Variants in KLF13 observed in about 807,000 individuals in gnomAD.
The protein encoded by KLF13 is Krueppel-like factor 13.
KLF13 carries 8 observed loss-of-function variants against 16.7 expected under a neutral mutation model. The observed-to-expected ratio is 0.48, with a 90% CI of 0.28 to 0.87. The LOEUF is 0.87. KLF13 is among the 40% of genes least tolerant of loss of function. The pLI, the probability that KLF13 is intolerant of heterozygous loss-of-function variation, is 0.10. For missense variants in KLF13, 447 were observed against 452.2 expected (o/e 0.99, Z 0.10); for synonymous variants, 245 against 208.4 (o/e 1.18, Z -1.51).
At chr15:31,428,610 T>G (rs1396383306) in intron 1 of KLF13, among the ~76,000 whole-genome samples, 1 of 151,732 alleles carries the variant, frequency 6.6e-6, no homozygotes, top group African/African-American at 2.4e-5. Flanking sequence ...ATCAAGACCA[T>G]CCTGGCTAAC....
At position 31,425,665 on chromosome 15, in the gene KLF13, T is replaced by A. The variant is rs183305857; in HGVS notation, n.118-9705T>A. Among the ~76,000 whole-genome samples the A allele has an allele frequency of 3.4e-3, 521 of 152,134 alleles. 3 individuals carry two copies. Among genetic ancestry groups the A allele is most frequent in the African/African-American group, 0.012 (483 of 41,468 alleles). On this transcript the variant is annotated intron_variant and non_coding_transcript_variant, in intron 1 of 1. Transcript: ENST00000558225. ...GCTGAGGCGGGCAGATCACCTGAGG[T>A]CAGAAGTTTGAGAGCAGCCTGGCCA...
At chr15:31,382,544 C>T (rs1166682674), downstream of KLF13, among the ~76,000 whole-genome samples, 1 of 152,176 alleles carries the variant, frequency 6.6e-6, no homozygotes. Flanking sequence ...AGTGACAGGC[C>T]CCATGACACA....
chr15:31,350,999 TC>T lies in KLF13; in HGVS notation c.578-21007del, dbSNP rs376808795. Reference sequence around the variant, plus strand: ...TGTGGATGGACATCCGAGTAAGAGTTCCCCAGTGTCTCCAGGAACCACTTGC... The same window carrying T: ...TGTGGATGGACATCCGAGTAAGAGTTCCCAGTGTCTCCAGGAACCACTTGC... On this transcript the variant is annotated intron_variant, in intron 1 of 1. Coordinates refer to ENST00000307145, the MANE Select transcript of KLF13 (RefSeq NM_015995.4). Among the ~76,000 whole-genome samples, 222 of 152,272 alleles carry T rather than the reference TC, an allele frequency of 1.5e-3. 3 individuals carry two copies. Among genetic ancestry groups the T allele is most frequent in the African/African-American group, 5.2e-3 (216 of 41,550 alleles).
intron 1 of KLF13, among the ~76,000 whole-genome samples, chr15:31,337,674 T>C (rs2038953963): frequency 2.0e-5 from 3 of 152,200 alleles, no homozygotes; most frequent in Admixed American, 1.3e-4. Flanking sequence ...CTGAATACTG[T>C]AGGCAACTGT....
chr15:31,398,471 C>T (rs933300071), intron 2 of KLF13, among the ~76,000 whole-genome samples: 5 of 152,186 alleles, frequency 3.3e-5, no homozygotes, highest in African/African-American at 9.7e-5. Flanking sequence ...GGGCCAACCC[C>T]GCAGCCTACA....
chr15:31,393,827 T>C (rs1057149067), intron 2 of KLF13: 4 of 152,262 alleles, frequency 2.6e-5, no homozygotes, highest in Non-Finnish European at 5.9e-5. Flanking sequence ...AACAGAGGCC[T>C]CTATGGAGAG....
At chr15:31,430,073 T>C (rs1187522510) in intron 1 of KLF13, among the ~76,000 whole-genome samples, 1 of 152,096 alleles carries the variant, frequency 6.6e-6, no homozygotes, top group African/African-American at 2.4e-5. Flanking sequence ...CTCTGTTGCC[T>C]TGGTTGGAAG....
chr15:31,421,366 A>G (rs527859696), intron 1 of KLF13, among the ~76,000 whole-genome samples: 73 of 152,366 alleles, frequency 4.8e-4, no homozygotes, highest in African/African-American at 1.7e-3. Flanking sequence ...AAAAGTACAG[A>G]ATTGTATAAT....
chr15:31,327,698 C>G lies in KLF13; in HGVS notation c.486C>G (p.Ser162=). ...RRGRSRADLE[S]PQRKHKCHYA... ...GCCGAAGTCGCGCCGACCTCGAGTCCCCGCAGAGGAAGCACAAGTGCCACT... is the reference window on the plus strand; with the variant it reads ...GCCGAAGTCGCGCCGACCTCGAGTCGCCGCAGAGGAAGCACAAGTGCCACT... The change falls in exon 1 of 2, where the codon TCC becomes TCG. Residue 162 remains serine, a synonymous_variant. Coordinates refer to ENST00000307145, the MANE Select transcript of KLF13 (RefSeq NM_015995.4). 1 of 1,536,582 alleles carries G rather than the reference C, an allele frequency of 6.5e-7. No individual in the cohort carries two copies. Among genetic ancestry groups the G allele is most frequent in the South Asian group, 1.2e-5 (1 of 85,702 alleles).
chr15:31,362,309 G>A (rs912983318), intron 1 of KLF13, among the ~76,000 whole-genome samples: 17 of 152,192 alleles, frequency 1.1e-4, no homozygotes, highest in Non-Finnish European at 2.9e-5. Context: ...AGTTTGCAGC[G>A]TGACCCAGGG....
chr15:31,399,840 G>C, intron 2 of KLF13, among the ~76,000 whole-genome samples: 1 of 152,244 alleles, frequency 6.6e-6, no homozygotes, highest in South Asian at 2.1e-4. Context: ...ACAGGGAGGG[G>C]CTGAGAGCCT....
intron 1 of KLF13, among the ~76,000 whole-genome samples, chr15:31,370,046 T>TTC (rs1036826480): frequency 1.5e-5 from 2 of 135,346 alleles, no homozygotes; most frequent in African/African-American, 6.0e-5. Context: ...TCCTTTTTCT[T>TTC]TTTTTTTTTT....
chr15:31,415,881 C>T (rs2040248656), intron 1 of KLF13, among the ~76,000 whole-genome samples: 1 of 151,256 alleles, frequency 6.6e-6, no homozygotes, highest in Non-Finnish European at 1.5e-5. Context: ...TAAACATCTA[C>T]AAAATTGATA....
At chr15:31,356,035 TCTGA>T (rs2039295630) in intron 1 of KLF13, among the ~76,000 whole-genome samples, 2 of 152,056 alleles carry the variant, frequency 1.3e-5, no homozygotes, top group Non-Finnish European at 2.9e-5. Flanking sequence ...TTCCTTTCCT[TCTGA>T]CTTTTATTTT....
chr15:31,382,432 C>T (rs2039737654), downstream of KLF13, among the ~76,000 whole-genome samples: 2 of 152,214 alleles, frequency 1.3e-5, no homozygotes, highest in Non-Finnish European at 2.9e-5. Context: ...TCTGATTGGA[C>T]CACTGGCCAC....
chr15:31,348,379 C>T (rs1348946414), intron 1 of KLF13, among the ~76,000 whole-genome samples: 3 of 152,198 alleles, frequency 2.0e-5, no homozygotes, highest in African/African-American at 7.2e-5. Flanking sequence ...TAGGCACACA[C>T]GCACGCCGCA....
chr15:31,332,505 C>A (rs932620880), intron 1 of KLF13, among the ~76,000 whole-genome samples: 1 of 151,366 alleles, frequency 6.6e-6, no homozygotes, highest in African/African-American at 2.5e-5. Context: ...CATCTCCACT[C>A]CCCCCTTCCC....
chr15:31,427,975 C>T (rs991655071), intron 1 of KLF13, among the ~76,000 whole-genome samples: 29 of 152,090 alleles, frequency 1.9e-4, no homozygotes, highest in Admixed American at 3.3e-4. Context: ...TAGAATTCAA[C>T]GTGAAATTTG....
intron 1 of KLF13, among the ~76,000 whole-genome samples, chr15:31,347,452 T>C (rs980189362): frequency 5.3e-5 from 8 of 152,146 alleles, no homozygotes; most frequent in African/African-American, 1.9e-4. Flanking sequence ...CTGTGTGTGC[T>C]AGCGTCAAAG....
Sources: gnomAD v4.1 joint callset for allele counts (sites outside exome capture counted in the v4.1 genomes callset) on GRCh38, gnomAD v4.1.1 for gene constraint, MANE v1.5 for transcripts, NCBI Gene and HGNC (gene_info 2026-07-23, HGNC 2026-07-21) for gene names.